CDC42BPB: variants seen among roughly 807,000 people sequenced by gnomAD.
CDC42BPB encodes CDC42 binding protein kinase beta.
Under a neutral mutation model 214.9 loss-of-function variants are expected in CDC42BPB, and 37 were observed. That is an observed-to-expected ratio of 0.17 (90% CI 0.13 to 0.23). CDC42BPB has a LOEUF of 0.23. Ranked by LOEUF, CDC42BPB falls within the 10% of genes least tolerant of loss-of-function variation. CDC42BPB has a pLI of 1.00. For missense variants in CDC42BPB, 1,694 were observed against 2,227.0 expected (o/e 0.76, Z 4.82); for synonymous variants, 931 against 884.0 (o/e 1.05, Z -0.94).
chr14:102,976,591 GCT>G (rs1245473332), intron 9 of CDC42BPB, among the ~76,000 whole-genome samples: 9 of 152,242 alleles, frequency 5.9e-5, no homozygotes, highest in Non-Finnish European at 1.0e-4. Flanking sequence ...GCCCAGGATG[GCT>G]CTCATTTAAT....
chr14:102,952,683 T>C (rs1191950254), intron 23 of CDC42BPB, 80 bp from the exon 24 acceptor site: 1 of 1,546,654 alleles, frequency 6.5e-7, no homozygotes, highest in Non-Finnish European at 8.8e-7. Context: ...ATCCAGTTTA[T>C]ACACAGCTTG....
chr14:103,042,049 AAG>A (rs1888030727), intron 1 of CDC42BPB: 1 of 207,150 alleles, frequency 4.8e-6, no homozygotes, highest in Non-Finnish European at 1.1e-5. Flanking sequence ...CATACCGGCA[AAG>A]AGACAAGGAA....
chr14:103,039,319 C>T (rs1024018445), intron 1 of CDC42BPB, among the ~76,000 whole-genome samples: 21 of 121,164 alleles, frequency 1.7e-4, no homozygotes, highest in Non-Finnish European at 3.6e-4. Flanking sequence ...AAAAGACATA[C>T]AAGGAAAGAA....
chr14:103,035,968 A>G (rs999770517), intron 1 of CDC42BPB, among the ~76,000 whole-genome samples: 1 of 152,080 alleles, frequency 6.6e-6, no homozygotes, highest in Admixed American at 6.6e-5. Flanking sequence ...CCTGGGCAAC[A>G]TGACGAAACC....
intron 1 of CDC42BPB, among the ~76,000 whole-genome samples, chr14:103,045,569 T>C (rs192344892): frequency 2.1e-3 from 315 of 152,142 alleles, no homozygotes; most frequent in Middle Eastern, 3.4e-3. Flanking sequence ...TTCTTCACAT[T>C]CTCATAACCC....
intron 30 of CDC42BPB, chr14:102,940,801 G>A: frequency 4.6e-6 from 1 of 218,728 alleles, no homozygotes; most frequent in Non-Finnish European, 9.3e-6. Context: ...CAACAACCCT[G>A]CCTGTCTGCC....
intron 13 of CDC42BPB, among the ~76,000 whole-genome samples, chr14:102,971,676 T>C (rs776159478): frequency 2.1e-4 from 32 of 152,222 alleles, no homozygotes; most frequent in Non-Finnish European, 2.6e-4. Flanking sequence ...CAGCACAGCA[T>C]AAACACCCTC....
At chr14:102,984,407 C>T (rs942310570) in intron 6 of CDC42BPB, among the ~76,000 whole-genome samples, 2 of 152,130 alleles carry the variant, frequency 1.3e-5, no homozygotes, top group Admixed American at 1.3e-4. Context: ...TGCAGCCGAC[C>T]CTGTGGTCTT....
At chr14:103,012,925 G>C (rs1886238868) in intron 1 of CDC42BPB, among the ~76,000 whole-genome samples, 1 of 152,236 alleles carries the variant, frequency 6.6e-6, no homozygotes, top group Non-Finnish European at 1.5e-5. Flanking sequence ...TGTGCCACAT[G>C]GCCTAGGTGT....
At chr14:103,042,290 A>G (rs1472065557) in intron 1 of CDC42BPB, among the ~76,000 whole-genome samples, 1 of 152,152 alleles carries the variant, frequency 6.6e-6, no homozygotes, top group East Asian at 1.9e-4. Flanking sequence ...AGAACTCTTA[A>G]AATTCAACAA....
chr14:102,948,832 T>C (rs1424723434), intron 26 of CDC42BPB, among the ~76,000 whole-genome samples: 1 of 151,954 alleles, frequency 6.6e-6, no homozygotes, highest in African/African-American at 2.4e-5. Context: ...ATGCCAACTT[T>C]TCGTCTACCA....
Position 102,959,972 on chromosome 14 carries a change from C to T in CDC42BPB, c.2822-262G>A, listed in dbSNP as rs185298696. The T allele has an allele frequency of 1.5e-5, 5 of 339,318 alleles. No individual in the cohort carries two copies. The East Asian group carries it at 5.1e-4, about 35-fold the overall frequency. The allele number at this position is 339,318 out of a possible 1,614,324, so 21.0% of individuals were successfully genotyped here. A position where few individuals can be genotyped will look rare whatever the true frequency, so the allele number is the denominator to read the frequency against. On this transcript the variant is annotated intron_variant, in intron 20 of 36. Coordinates refer to ENST00000361246, the MANE Select transcript of CDC42BPB (RefSeq NM_006035.4). ...CTGTAATCCCAACACTTTGGGAGGC[C>T]GAGGTGGGCGGATCACCTGAGGTCA...
Position 102,974,036 on chromosome 14 carries a change from C to G in CDC42BPB, c.1621G>C (p.Glu541Gln). The change falls in exon 12 of 37, where the codon GAG (glutamate) becomes CAG (glutamine). Residue 541 changes from glutamate (E) to glutamine (Q), a missense_variant. By Grantham distance (29) the Glu-to-Gln change is conservative (BLOSUM62 2). This residue lies in a region of CDC42BPB where 462 missense variants were observed against 513.5 expected (regional missense o/e 0.90). Transcript: ENST00000361246. ...LEKQHRVVRQ[E>Q]KEELHKQLVE... ...CCTACCTTGTGCAGCTCCTCCTTCT[C>G]CTGCCGGACCACGCGGTGCTGCTTC... The G allele has an allele frequency of 6.2e-7, 1 of 1,611,036 alleles. No homozygotes were observed. The highest frequency in any genetic ancestry group is 1.3e-5 in the African/African-American group (1 of 74,800).
chr14:103,053,756 C>T (rs1375982561), intron 1 of CDC42BPB, among the ~76,000 whole-genome samples: 8 of 147,104 alleles, frequency 5.4e-5, no homozygotes, highest in Middle Eastern at 3.5e-3. Context: ...AGTGAGACTC[C>T]GTCTCAAAAA....
intron 20 of CDC42BPB, 143 bp from the exon 21 acceptor site, chr14:102,959,853 AAAAAAAAG>A: frequency 2.3e-6 from 3 of 1,315,782 alleles, no homozygotes; most frequent in Admixed American, 3.8e-5. Context: ...AAAAAAAAAA[AAAAAAAAG>A]GGGTCAGGCT....
intron 36 of CDC42BPB, among the ~76,000 whole-genome samples, chr14:102,934,579 G>C (rs1229193801): frequency 6.6e-6 from 1 of 151,858 alleles, no homozygotes; most frequent in Admixed American, 6.6e-5. Flanking sequence ...GGGCACAGTG[G>C]TGCGCACCTG....
In CDC42BPB at chr14:102,939,902, T is replaced by C; in HGVS notation, c.4637A>G (p.Gln1546Arg). The C allele has an allele frequency of 6.2e-7, 1 of 1,614,068 alleles. No homozygotes were observed. Among genetic ancestry groups the C allele is most frequent in the South Asian group, 1.1e-5 (1 of 91,090 alleles). The change falls in exon 33 of 37, where the codon CAG (glutamine) becomes CGG (arginine). Residue 1546 changes from glutamine to arginine, a missense_variant. Transcript: ENST00000361246. ...CCTTTTGCTCCTGGTGCGCAGCATC[T>C]GCTTCTTGCTGTTGTCGGAGGTGTC... The part of the protein sequence containing the change: ...VPDTSDNSKK[Q>R]MLRTRSKRRF...
At chr14:102,972,363 C>T (rs1751715318) in intron 12 of CDC42BPB, 1 of 984,428 alleles carries the variant, frequency 1.0e-6, no homozygotes, top group East Asian at 1.1e-4. Flanking sequence ...GCCGCCTGGG[C>T]TCAGGTGCTG....
intron 15 of CDC42BPB, 22 bp from the exon 16 acceptor site, chr14:102,968,380 A>C (rs778950938): frequency 6.2e-7 from 1 of 1,613,374 alleles, no homozygotes; most frequent in South Asian, 1.1e-5. Flanking sequence ...AGCGAGAAAC[A>C]GTTTTAAAAG....
Sources: allele counts gnomAD v4.1 joint callset (sites outside exome capture counted in the v4.1 genomes callset), GRCh38; gene constraint gnomAD v4.1.1; regional missense constraint gnomAD v4.1.1; transcripts MANE v1.5; gene names NCBI Gene and HGNC (gene_info 2026-07-23, HGNC 2026-07-21).